The following GLI3 variants were observed in gnomAD, a reference collection of about 807,000 sequenced individuals.
GLI3 encodes the protein transcription activator GLI3.
A neutral mutation model predicts 100.8 loss-of-function variants in GLI3; 20 were observed. The ratio of observed to expected loss-of-function variants is 0.20; its 90% CI spans 0.14 to 0.29. GLI3 has a LOEUF of 0.29. Among genes scored for constraint, GLI3 ranks in the 10% least tolerant of loss-of-function variants. GLI3 has a pLI of 1.00. For missense variants in GLI3, 2,040 were observed against 2,128.5 expected (o/e 0.96, Z 0.82); for synonymous variants, 938 against 860.5 (o/e 1.09, Z -1.58).
intron 3 of GLI3, among the ~76,000 whole-genome samples, chr7:42,132,259 C>CCTGCCCGCCACCACGCCTG (rs1363088324): frequency 6.6e-6 from 1 of 151,386 alleles, no homozygotes; most frequent in African/African-American, 2.4e-5. Context: ...CGCCACTACG[C>CCTGCCCGCCACCACGCCTG]CCGGCTAATT....
rs755100469 is a variant in GLI3 at position 42,148,222 on chromosome 7, T to C, written c.367+4A>G. The C allele has an allele frequency of 1.2e-6, 2 of 1,607,032 alleles. No individual in the cohort carries two copies. Among genetic ancestry groups the C allele is most frequent in the African/African-American group, 2.7e-5 (2 of 74,354 alleles). On this transcript the variant is annotated splice_donor_region_variant and intron_variant, in intron 3 of 14. Transcript: ENST00000395925. ...AACAAGTGCCGACTGGCATGGGCACTTACGGTAGTGGGGCTCCATGTAACC... is the reference window on the plus strand; with the variant it reads ...AACAAGTGCCGACTGGCATGGGCACCTACGGTAGTGGGGCTCCATGTAACC...
chr7:42,153,398 T>A (rs540150463), intron 2 of GLI3, among the ~76,000 whole-genome samples: 48 of 152,272 alleles, frequency 3.2e-4, no homozygotes, highest in Admixed American at 7.2e-4. Context: ...GCCTTTTATG[T>A]TCAAGGTCTG....
intron 2 of GLI3, among the ~76,000 whole-genome samples, chr7:42,194,669 TG>T (rs969878827): frequency 6.6e-5 from 10 of 152,090 alleles, no homozygotes; most frequent in Non-Finnish European, 1.5e-4. Flanking sequence ...GTAGCATCTT[TG>T]ACTCTCCTTC....
Position 41,966,152 on chromosome 7 carries a change from T to C in GLI3, c.2921A>G (p.His974Arg). Residue 974 changes from histidine to arginine, a missense_variant, in exon 15 of 15, where the codon CAT (histidine) becomes CGT (arginine). Physicochemically the swap from His to Arg is conservative, Grantham distance 29 (BLOSUM62 0). Around this residue, in one of 5 missense-constraint regions of GLI3, gnomAD observed 1,041 missense variants for 924.0 expected, o/e 1.13. Transcript: ENST00000395925. The surrounding 1 kb of genome is among the most constrained non-coding windows in gnomAD (Gnocchi z 5.8). ...CCCGTCGCTGCACCTCCTCGGGGCA[T>C]GAACTGGAGGCAGGGCCACGCCAGG... is the stretch of plus-strand genomic sequence containing the variant. ...LEPGVALPPV[H>R]APRRCSDGGA... 6.3e-7 allele frequency: 1 copy of C among 1,598,054 alleles called. No individual in the cohort carries two copies. Among genetic ancestry groups the C allele is most frequent in the Non-Finnish European group, 8.5e-7 (1 of 1,175,788 alleles).
chr7:42,007,900 A>C (rs1788501119), intron 10 of GLI3, among the ~76,000 whole-genome samples: 1 of 150,766 alleles, frequency 6.6e-6, no homozygotes, highest in Admixed American at 6.6e-5. Context: ...TATGTTTTAT[A>C]ATAAAAAAAT....
Position 41,963,971 on chromosome 7 carries a change from C to T in GLI3, c.*359G>A, listed in dbSNP as rs1787079596. On this transcript the variant is annotated 3_prime_UTR_variant, in exon 15 of 15. Transcript: ENST00000395925. Reference sequence around the variant, plus strand: ...TCCTTTGAGCAACAGCAAAACATGTCAAATCCTTTAATTTGACTGCTCTTC... The same window carrying T: ...TCCTTTGAGCAACAGCAAAACATGTTAAATCCTTTAATTTGACTGCTCTTC... 4.8e-6 allele frequency: 1 copy of T among 207,022 alleles called. No homozygotes were observed. Among genetic ancestry groups the T allele is most frequent in the African/African-American group, 2.4e-5 (1 of 42,242 alleles). 12.8% of individuals were successfully genotyped at this position (207,022 alleles called of 1,614,324 possible). A position where few individuals can be genotyped will look rare whatever the true frequency, so the allele number is the denominator to read the frequency against.
At chr7:42,136,555 C>T (rs183254534) in intron 3 of GLI3, among the ~76,000 whole-genome samples, 6 of 152,312 alleles carry the variant, frequency 3.9e-5, no homozygotes, top group African/African-American at 1.2e-4. Flanking sequence ...CATGGGGGTA[C>T]AGAGAGGACC....
intron 10 of GLI3, among the ~76,000 whole-genome samples, chr7:42,020,137 C>G (rs1439977606): frequency 6.6e-6 from 1 of 152,168 alleles, no homozygotes; most frequent in Non-Finnish European, 1.5e-5. Context: ...CCCATCTGTT[C>G]AGATAGTAAT....
intron 7 of GLI3, among the ~76,000 whole-genome samples, chr7:42,028,718 C>G (rs948684198): frequency 2.0e-5 from 3 of 151,718 alleles, no homozygotes; most frequent in East Asian, 3.9e-4. Context: ...GAGCCAAGAT[C>G]GCGCCACTGC....
chr7:42,238,683 C>A (rs1175179416), upstream of GLI3, among the ~76,000 whole-genome samples: 2 of 152,134 alleles, frequency 1.3e-5, no homozygotes, highest in African/African-American at 4.8e-5. Flanking sequence ...CCTCCTTCCT[C>A]GACCATCCAG....
At chr7:42,037,668 A>G (rs1583498913) in intron 7 of GLI3, among the ~76,000 whole-genome samples, 1 of 152,242 alleles carries the variant, frequency 6.6e-6, no homozygotes, top group Non-Finnish European at 1.5e-5. Flanking sequence ...AAATGAGGAC[A>G]CAATGGGCCC....
Position 41,966,623 on chromosome 7 carries a change from G to A in GLI3, c.2450C>T (p.Thr817Ile). 6.2e-7 allele frequency: 1 copy of A among 1,614,148 alleles called. No homozygotes were observed. Among genetic ancestry groups the A allele is most frequent in the Non-Finnish European group, 8.5e-7 (1 of 1,180,024 alleles). ...CGTCATGGGCCCACCCAAGCTGCAG[G>A]TGTTGTTGGACTGTGTGCCTGGAGA... is the stretch of plus-strand genomic sequence containing the variant. ...LIGNGTQSNN[T>I]CSLGGPMTLL... Residue 817 changes from threonine to isoleucine, a missense_variant, in exon 15 of 15, where the codon ACC becomes ATC. This residue lies in a region of GLI3 where 327 missense variants were observed against 338.7 expected (regional missense o/e 0.97). Coordinates refer to ENST00000395925, the MANE Select transcript of GLI3 (RefSeq NM_000168.6). The surrounding 1 kb of genome is among the most constrained non-coding windows in gnomAD (Gnocchi z 5.8).
At chr7:42,238,003 GCCT>G (rs1197149389), upstream of GLI3, 215 of 140,648 alleles carry the variant, frequency 1.5e-3, no homozygotes, top group Middle Eastern at 3.4e-3. Flanking sequence ...CGCCGCCGCC[GCCT>G]CCTCCTCCTC....
At chr7:42,090,442 T>C (rs1271946061) in intron 3 of GLI3, among the ~76,000 whole-genome samples, 1 of 152,226 alleles carries the variant, frequency 6.6e-6, no homozygotes, top group Non-Finnish European at 1.5e-5. Context: ...TGAATATCCT[T>C]AGGCAGCACA....
At chr7:42,237,615 G>A (rs555077621), upstream of GLI3, among the ~76,000 whole-genome samples, 1 of 150,576 alleles carries the variant, frequency 6.6e-6, no homozygotes, top group South Asian at 2.1e-4. Context: ...TTTAACAGAT[G>A]TTGCCGGACT....
At chr7:42,077,384 TAA>T (rs1562717129) in intron 3 of GLI3, among the ~76,000 whole-genome samples, 3 of 149,398 alleles carry the variant, frequency 2.0e-5, no homozygotes, top group African/African-American at 4.9e-5. Flanking sequence ...TTTTTTTTTT[TAA>T]CTTAAATACA....
At chr7:42,210,696 AGGG>A (rs1386196612) in intron 2 of GLI3, among the ~76,000 whole-genome samples, 1 of 152,140 alleles carries the variant, frequency 6.6e-6, no homozygotes, top group Non-Finnish European at 1.5e-5. Flanking sequence ...TTTCAAGAAA[AGGG>A]GAGTGACAAG....
rs150873922 is a variant in GLI3, at chr7:41,972,160, C to T, written c.2103+177G>A. ...AAAAATCAGTTAGGAAACCTGGAAA[C>T]TCTTTTTCTGAGCTGATCGACTTCA... On this transcript the variant is annotated intron_variant, in intron 13 of 14. Transcript: ENST00000395925. The surrounding 1 kb of genome is among the most constrained non-coding windows in gnomAD (Gnocchi z 4.4). Among the ~76,000 whole-genome samples, 744 of 152,282 alleles carry T rather than the reference C, an allele frequency of 4.9e-3. 6 individuals carry two copies. Among genetic ancestry groups the T allele is most frequent in the African/African-American group, 0.016 (683 of 41,560 alleles).
At chr7:42,176,348 G>A (rs1787479413) in intron 2 of GLI3, among the ~76,000 whole-genome samples, 1 of 151,582 alleles carries the variant, frequency 6.6e-6, no homozygotes, top group Admixed American at 6.6e-5. Flanking sequence ...ATCCTGTGAA[G>A]GCCCATAGGT....
Sources: gnomAD v4.1 joint callset for allele counts (sites outside exome capture counted in the v4.1 genomes callset) on GRCh38, gnomAD v4.1.1 for gene constraint, gnomAD v4.1.1 regional missense constraint, Gnocchi (gnomAD v3.1) non-coding constraint, MANE v1.5 for transcripts, NCBI Gene and HGNC (gene_info 2026-07-23, HGNC 2026-07-21) for gene names.